Variants in RALGPS2 observed in about 807,000 individuals in gnomAD.
RALGPS2 encodes the protein ras-specific guanine nucleotide-releasing factor RalGPS2.
Under a neutral mutation model 86.8 loss-of-function variants are expected in RALGPS2, and 43 were observed. The observed-to-expected ratio is 0.50, with a 90% CI of 0.39 to 0.64. RALGPS2 has a LOEUF of 0.64. Among genes scored for constraint, RALGPS2 ranks in the 30% least tolerant of loss-of-function variants. The pLI is 0.00. For missense variants in RALGPS2, 536 were observed against 694.6 expected (o/e 0.77, Z 2.57); for synonymous variants, 243 against 231.3 (o/e 1.05, Z -0.46).
intron 13 of RALGPS2, among the ~76,000 whole-genome samples, chr1:178,887,299 A>C (rs563773259): frequency 1.1e-4 from 17 of 152,188 alleles, no homozygotes; most frequent in South Asian, 8.3e-4. Flanking sequence ...CTAAAAATAC[A>C]AAAAGTAGCA....
chr1:178,790,847 G>GT (rs1252231965), intron 4 of RALGPS2, among the ~76,000 whole-genome samples: 3 of 152,108 alleles, frequency 2.0e-5, no homozygotes, highest in African/African-American at 7.2e-5. Flanking sequence ...CCAGTTTAGT[G>GT]TATTAATCTT....
At chr1:178,829,584 G>A (rs187327689) in intron 7 of RALGPS2, among the ~76,000 whole-genome samples, 24 of 152,126 alleles carry the variant, frequency 1.6e-4, no homozygotes, top group African/African-American at 2.7e-4. Flanking sequence ...AAAAATTGTC[G>A]CTGGTGCCAA....
intron 4 of RALGPS2, among the ~76,000 whole-genome samples, chr1:178,791,264 G>A (rs1283848187): frequency 1.3e-5 from 2 of 150,830 alleles, no homozygotes. Context: ...AAGACTAAAG[G>A]CATACACCAC....
At chr1:178,746,467 A>G (rs1488772084) in intron 1 of RALGPS2, among the ~76,000 whole-genome samples, 1 of 152,226 alleles carries the variant, frequency 6.6e-6, no homozygotes, top group Non-Finnish European at 1.5e-5. Context: ...TACATGCATT[A>G]TAAACACTTA....
At chr1:178,748,093 G>C (rs933719535) in intron 1 of RALGPS2, among the ~76,000 whole-genome samples, 3 of 152,192 alleles carry the variant, frequency 2.0e-5, no homozygotes, top group Non-Finnish European at 2.9e-5. Context: ...GCCGAGGCGG[G>C]TGGATCACTT....
chr1:178,902,879 T>C (rs1296633473), intron 18 of RALGPS2, among the ~76,000 whole-genome samples: 1 of 152,156 alleles, frequency 6.6e-6, no homozygotes, highest in East Asian at 1.9e-4. Flanking sequence ...AAGTTAATTA[T>C]AATATTTTAC....
At chr1:178,855,880 A>G (rs1199385066) in intron 8 of RALGPS2, among the ~76,000 whole-genome samples, 1 of 150,940 alleles carries the variant, frequency 6.6e-6, no homozygotes, top group Non-Finnish European at 1.5e-5. Context: ...GCCTATTGAG[A>G]TGATGATAGG....
At chr1:178,869,826 T>C (rs2102348450) in intron 8 of RALGPS2, among the ~76,000 whole-genome samples, 1 of 152,240 alleles carries the variant, frequency 6.6e-6, no homozygotes, top group African/African-American at 2.4e-5. Flanking sequence ...AGGCATACTA[T>C]TGGTAACGAG....
At chr1:178,754,664 C>T (rs577235187) in intron 1 of RALGPS2, among the ~76,000 whole-genome samples, 1 of 152,304 alleles carries the variant, frequency 6.6e-6, no homozygotes, top group South Asian at 2.1e-4. Flanking sequence ...TCCAGAAATA[C>T]CCTCAAAGAC....
intron 8 of RALGPS2, among the ~76,000 whole-genome samples, chr1:178,846,039 A>T (rs1656850364): frequency 6.6e-6 from 1 of 152,224 alleles, no homozygotes. Flanking sequence ...AATATTCAGT[A>T]GAATATAGTT....
At chr1:178,906,978 T>G (rs1660411500) in intron 19 of RALGPS2, 111 bp downstream of exon 19, 2 of 927,930 alleles carry the variant, frequency 2.2e-6, no homozygotes, top group East Asian at 2.7e-5. Flanking sequence ...AATGGTGGTG[T>G]TTTTATTCTT....
chr1:178,754,821 A>G (rs1651868499), intron 1 of RALGPS2, among the ~76,000 whole-genome samples: 1 of 152,248 alleles, frequency 6.6e-6, no homozygotes, highest in Admixed American at 6.5e-5. Flanking sequence ...TTGTTTTGAG[A>G]CGAAGTCTCA....
At chr1:178,743,106 T>G (rs1651124893) in intron 1 of RALGPS2, among the ~76,000 whole-genome samples, 1 of 152,168 alleles carries the variant, frequency 6.6e-6, no homozygotes, top group Admixed American at 6.5e-5. Context: ...CCTATAGTCC[T>G]AGCTACTGGA....
At position 178,852,185 on chromosome 1, in the gene RALGPS2, G is replaced by A. The variant is rs190300759; in HGVS notation, c.607+18635G>A. On this transcript the variant is annotated intron_variant, in intron 8 of 19. Transcript: ENST00000367635. ...CTTTCTCACAGCAGATTTTCCTGGC[G>A]AACCCATATAAAATAGCTGCCATCC... Among the ~76,000 whole-genome samples the A allele has an allele frequency of 1.3e-3, 195 of 152,084 alleles. 2 individuals carry two copies. Among genetic ancestry groups the A allele is most frequent in the African/African-American group, 4.2e-3 (176 of 41,512 alleles).
intron 10 of RALGPS2, among the ~76,000 whole-genome samples, chr1:178,880,317 T>C (rs1169093487): frequency 1.3e-5 from 2 of 152,194 alleles, no homozygotes; most frequent in Non-Finnish European, 2.9e-5. Flanking sequence ...GGAAAACATC[T>C]AGGAATAATT....
chr1:178,820,207 TAAAC>T (rs1001501305), intron 6 of RALGPS2, among the ~76,000 whole-genome samples: 3 of 152,164 alleles, frequency 2.0e-5, no homozygotes, highest in African/African-American at 7.2e-5. Context: ...CACTACCAAA[TAAAC>T]AAAACTTTGA....
intron 8 of RALGPS2, among the ~76,000 whole-genome samples, chr1:178,867,328 T>C (rs997898572): frequency 6.6e-6 from 1 of 151,992 alleles, no homozygotes; most frequent in African/African-American, 2.4e-5. Context: ...TTATCAAGAG[T>C]CACACAGGTT....
intron 14 of RALGPS2, among the ~76,000 whole-genome samples, chr1:178,890,307 T>G (rs1166532757): frequency 6.6e-6 from 1 of 151,918 alleles, no homozygotes; most frequent in East Asian, 1.9e-4. Context: ...ATCTGAAGAA[T>G]GTGACCAAAC....
At chr1:178,906,056 T>C (rs1283299898) in intron 18 of RALGPS2, among the ~76,000 whole-genome samples, 2 of 152,232 alleles carry the variant, frequency 1.3e-5, no homozygotes. Context: ...CATTCTGGCA[T>C]GTTAAAACTT....
Sources: allele counts gnomAD v4.1 joint callset (sites outside exome capture counted in the v4.1 genomes callset), GRCh38; gene constraint gnomAD v4.1.1; transcripts MANE v1.5; gene names NCBI Gene and HGNC (gene_info 2026-07-23, HGNC 2026-07-21).